Variants in ADAMTSL1 observed in about 807,000 individuals in gnomAD.
ADAMTSL1 encodes the protein ADAMTS like 1.
ADAMTSL1 carries 126 observed loss-of-function variants against 201.8 expected under a neutral mutation model. The observed-to-expected ratio is 0.62, with a 90% CI of 0.54 to 0.72. ADAMTSL1 has a LOEUF of 0.72. Ranked by LOEUF, ADAMTSL1 falls within the 30% of genes least tolerant of loss-of-function variation. The pLI, the probability that ADAMTSL1 is intolerant of heterozygous loss-of-function variation, is 0.00. For missense variants in ADAMTSL1, 2,679 were observed against 2,277.8 expected, an observed-to-expected ratio of 1.18 and a Z score of -3.59; for synonymous variants, 1,121 against 903.4, an observed-to-expected ratio of 1.24 and a Z score of -4.32.
At chr9:17,944,760 A>C (rs1588456327) in intron 1 of ADAMTSL1, among the ~76,000 whole-genome samples, 25 of 125,036 alleles carry the variant, frequency 2.0e-4, no homozygotes, top group Admixed American at 6.1e-4. Context: ...CTGGCTAGCC[A>C]TATGTAGAAA....
At chr9:17,939,206 T>C (rs1407203733) in intron 1 of ADAMTSL1, among the ~76,000 whole-genome samples, 1 of 152,166 alleles carries the variant, frequency 6.6e-6, no homozygotes, top group Admixed American at 6.6e-5. Flanking sequence ...TCTTGTTTCT[T>C]ACTTGGTCCC....
chr9:17,961,028 G>A (rs964081248), intron 1 of ADAMTSL1, among the ~76,000 whole-genome samples: 6 of 152,070 alleles, frequency 3.9e-5, no homozygotes, highest in South Asian at 2.1e-4. Context: ...TATACCATAC[G>A]TCACTTAATT....
chr9:18,697,130 C>T (rs1293214999), intron 13 of ADAMTSL1, among the ~76,000 whole-genome samples: 2 of 151,940 alleles, frequency 1.3e-5, no homozygotes, highest in Non-Finnish European at 2.9e-5. Flanking sequence ...GATCTGCCCA[C>T]CTCAGCCCCC....
chr9:18,380,774 C>T (rs1306553459), intron 2 of ADAMTSL1, among the ~76,000 whole-genome samples: 1 of 152,208 alleles, frequency 6.6e-6, no homozygotes, highest in Admixed American at 6.5e-5. Flanking sequence ...CTCATTAAGG[C>T]TGAGTTCACC....
chr9:18,174,249 T>G (rs1828037402), intron 2 of ADAMTSL1, among the ~76,000 whole-genome samples: 1 of 152,182 alleles, frequency 6.6e-6, no homozygotes, highest in Non-Finnish European at 1.5e-5. Context: ...AAGGTAATGC[T>G]GAAGCTATCA....
At position 18,462,832 on chromosome 9, in the gene ADAMTSL1, G is replaced by A. The variant is rs1330898943; in HGVS notation, c.208-41997G>A. On this transcript the variant is annotated intron_variant, in intron 2 of 29. Transcript: ENST00000680146. The stretch of plus-strand genomic sequence containing the variant: ...CACGCACCTGTAATTCTAGCTACTC[G>A]GGAGGCTGAGGCAGGAGAATCACTT... Among the ~76,000 whole-genome samples, 10 of 151,954 alleles carry A rather than the reference G, an allele frequency of 6.6e-5. No individual in the cohort carries two copies. The East Asian group carries it at 1.2e-3, about 18-fold the overall frequency.
rs2133385288 is a variant in ADAMTSL1, at chr9:18,715,748, T to C, written c.1877-5788T>C. Among the ~76,000 whole-genome samples the C allele has an allele frequency of 2.6e-5, 4 of 151,842 alleles. No individual in the cohort carries two copies. The Middle Eastern group carries it at 0.014, about 516-fold the overall frequency. On this transcript the variant is annotated intron_variant, in intron 14 of 28. Coordinates refer to ENST00000380548, the MANE Select transcript of ADAMTSL1 (RefSeq NM_001040272.6). ...TTGGAAAAAACTACTTTAAAGTTCA[T>C]ATGGAACCAAAAAAGAGCCCACATT...
At chr9:18,238,521 C>T (rs1830936314) in intron 2 of ADAMTSL1, among the ~76,000 whole-genome samples, 1 of 152,060 alleles carries the variant, frequency 6.6e-6, no homozygotes, top group Admixed American at 6.5e-5. Context: ...GAATATGTTT[C>T]TTCATTTGTA....
intron 2 of ADAMTSL1, among the ~76,000 whole-genome samples, chr9:18,410,932 C>T (rs1313662451): frequency 1.3e-5 from 2 of 151,320 alleles, no homozygotes; most frequent in Admixed American, 1.3e-4. Flanking sequence ...ACCTCCATCT[C>T]CCAGGTTCAA....
At chr9:18,529,199 A>G (rs569620125) in intron 2 of ADAMTSL1, among the ~76,000 whole-genome samples, 20 of 152,288 alleles carry the variant, frequency 1.3e-4, no homozygotes, top group Middle Eastern at 6.8e-3. Flanking sequence ...ATTGCATTTT[A>G]CTGATGAACA....
intron 2 of ADAMTSL1, among the ~76,000 whole-genome samples, chr9:18,417,905 G>C (rs1293768897): frequency 6.6e-6 from 1 of 152,008 alleles, no homozygotes; most frequent in Non-Finnish European, 1.5e-5. Context: ...ACAAAAACCA[G>C]ACAAAGATAA....
intron 1 of ADAMTSL1, among the ~76,000 whole-genome samples, chr9:18,135,714 T>C (rs551339932): frequency 7.2e-5 from 11 of 152,180 alleles, no homozygotes; most frequent in Non-Finnish European, 1.3e-4. Context: ...ATATCTATCA[T>C]ATGTGTATGT....
chr9:18,187,878 A>T (rs1365237227), intron 2 of ADAMTSL1, among the ~76,000 whole-genome samples: 1 of 152,200 alleles, frequency 6.6e-6, no homozygotes, highest in African/African-American at 2.4e-5. Flanking sequence ...ATGTATAATT[A>T]TGCAATGTAT....
intron 3 of ADAMTSL1, among the ~76,000 whole-genome samples, chr9:18,551,839 T>G (rs1820816782): frequency 6.6e-6 from 1 of 151,926 alleles, no homozygotes; most frequent in South Asian, 2.1e-4. Flanking sequence ...TTGTGTTTTT[T>G]GTTTTCTCTC....
chr9:18,078,992 G>T lies in ADAMTSL1; in HGVS notation c.88-84870G>T, dbSNP rs752813498. Reference sequence around the variant, plus strand: ...AGTTTATCAGCCTGTCTATCTCAAGGTTCCCCAGGCAGGGGTCAGAACCTG... The same window carrying T: ...AGTTTATCAGCCTGTCTATCTCAAGTTTCCCCAGGCAGGGGTCAGAACCTG... On this transcript the variant is annotated intron_variant, in intron 1 of 29. Coordinates refer to the ADAMTSL1 transcript ENST00000680146. Among the ~76,000 whole-genome samples, 9 of 152,242 alleles carry T rather than the reference G, an allele frequency of 5.9e-5. No individual in the cohort carries two copies. In the Middle Eastern group the frequency reaches 0.014, roughly 230 times the overall value.
intron 1 of ADAMTSL1, among the ~76,000 whole-genome samples, chr9:18,020,724 G>A (rs1199979240): frequency 1.6e-4 from 25 of 152,022 alleles, no homozygotes; most frequent in Admixed American, 1.6e-3. Flanking sequence ...TATCACCCGG[G>A]TTCCTTGGAA....
At chr9:18,636,987 C>T (rs188659932) in intron 6 of ADAMTSL1, among the ~76,000 whole-genome samples, 79 of 152,128 alleles carry the variant, frequency 5.2e-4, no homozygotes, top group East Asian at 4.6e-3. Flanking sequence ...AATGAAATCA[C>T]GCTAAAAAGG....
At chr9:18,165,299 A>G (rs1032753115) in intron 2 of ADAMTSL1, among the ~76,000 whole-genome samples, 1 of 151,948 alleles carries the variant, frequency 6.6e-6, no homozygotes, top group Non-Finnish European at 1.5e-5. Flanking sequence ...TAGATACTAC[A>G]TGAAAACTTC....
intron 2 of ADAMTSL1, among the ~76,000 whole-genome samples, chr9:18,429,507 ACT>A (rs1241758977): frequency 6.6e-6 from 1 of 152,116 alleles, no homozygotes; most frequent in Admixed American, 6.5e-5. Context: ...CAAAACTTTG[ACT>A]CTATTGCTTC....
Sources: gnomAD v4.1 joint callset for allele counts (sites outside exome capture counted in the v4.1 genomes callset) on GRCh38, gnomAD v4.1.1 for gene constraint, MANE v1.5 for transcripts, NCBI Gene and HGNC (gene_info 2026-07-23, HGNC 2026-07-21) for gene names.